KCNJ6: variants seen among roughly 807,000 people sequenced by gnomAD.
The protein encoded by KCNJ6 is potassium inwardly rectifying channel subfamily J member 6.
Under a neutral mutation model 34.2 loss-of-function variants are expected in KCNJ6, and 9 were observed. That is an observed-to-expected ratio of 0.26 (90% confidence interval 0.16 to 0.46). The LOEUF is 0.46. KCNJ6 is among the 20% of genes least tolerant of loss of function. The pLI is 1.00. For synonymous variants in KCNJ6, 196 were observed against 207.1 expected (o/e 0.95, Z 0.46); for missense variants, 236 against 531.3 (o/e 0.44, Z 5.46).
At chr21:37,761,547 GGTATGTGT>G (rs1472767738) in intron 2 of KCNJ6, among the ~76,000 whole-genome samples, 1 of 145,292 alleles carries the variant, frequency 6.9e-6, no homozygotes, top group Non-Finnish European at 1.5e-5. Context: ...TCGTGTGTGT[GGTATGTGT>G]GTATGTGTTG....
At chr21:37,713,539 T>C (rs146231181) in intron 3 of KCNJ6, among the ~76,000 whole-genome samples, 2 of 152,294 alleles carry the variant, frequency 1.3e-5, no homozygotes, top group East Asian at 3.9e-4. Context: ...ATTTTCTCTA[T>C]TTCCTGAACA....
chr21:37,840,993 CCT>C (rs1202125729), intron 1 of KCNJ6, among the ~76,000 whole-genome samples: 1 of 152,158 alleles, frequency 6.6e-6, no homozygotes, highest in Non-Finnish European at 1.5e-5. Flanking sequence ...GTTTTCAAAA[CCT>C]CTTTGACACT....
At position 37,726,921 on chromosome 21, in the gene KCNJ6, A is replaced by T. The variant is rs147129231; in HGVS notation, c.26-11790T>A. On this transcript the variant is annotated intron_variant, in intron 2 of 3. Transcript: ENST00000609713. ...CCCAAACCTCAGAAGGTGACCTTATATGGAAATAGGGTCTTTGCAGATATA... is the reference window on the plus strand; with the variant it reads ...CCCAAACCTCAGAAGGTGACCTTATTTGGAAATAGGGTCTTTGCAGATATA... Among the ~76,000 whole-genome samples the T allele has an allele frequency of 4.8e-4, 73 of 152,316 alleles. 1 individual carries two copies. The highest frequency in any genetic ancestry group is 1.6e-3 in the African/African-American group (67 of 41,556).
chr21:37,781,819 C>T (rs186173976), intron 2 of KCNJ6, among the ~76,000 whole-genome samples: 10 of 152,178 alleles, frequency 6.6e-5, no homozygotes, highest in Admixed American at 3.9e-4. Flanking sequence ...GTTCAAAGCC[C>T]GGTATTGTCA....
At chr21:37,715,867 C>A (rs763855501) in intron 2 of KCNJ6, among the ~76,000 whole-genome samples, 1 of 152,162 alleles carries the variant, frequency 6.6e-6, no homozygotes, top group African/African-American at 2.4e-5. Context: ...GCCTCCAGAA[C>A]GATGAGAAAA....
chr21:37,732,579 G>A (rs565048579), intron 2 of KCNJ6, among the ~76,000 whole-genome samples: 12 of 152,284 alleles, frequency 7.9e-5, no homozygotes, highest in South Asian at 4.1e-4. Flanking sequence ...ACGTTTCCTC[G>A]TCAATTTTCT....
At chr21:37,647,631 A>T (rs1237067414) in intron 3 of KCNJ6, among the ~76,000 whole-genome samples, 1 of 152,136 alleles carries the variant, frequency 6.6e-6, no homozygotes, top group African/African-American at 2.4e-5. Flanking sequence ...AACATTAGGG[A>T]CAGTCTCCAT....
rs1406409438 is a variant in KCNJ6, at chr21:37,624,134, A to C, written c.*1025T>G. 6.6e-6 allele frequency: 1 copy of C among 152,218 alleles called. No homozygotes were observed. Among genetic ancestry groups the C allele is most frequent in the Non-Finnish European group, 1.5e-5 (1 of 68,032 alleles). The allele number at this position is 152,218 out of a possible 1,614,324, so 9.4% of individuals were successfully genotyped here. A position where few individuals can be genotyped will look rare whatever the true frequency, so the allele number is the denominator to read the frequency against. On this transcript the variant is annotated 3_prime_UTR_variant, in exon 4 of 4. Coordinates refer to ENST00000609713, the MANE Select transcript of KCNJ6 (RefSeq NM_002240.5). ...CATACCTTTGGTGACAGGCTAGAGA[A>C]TATTTCCTTCCTGGTATTCCCCCTC... is the stretch of plus-strand genomic sequence containing the variant.
At chr21:37,807,083 G>A (rs940228996) in intron 2 of KCNJ6, among the ~76,000 whole-genome samples, 5 of 152,062 alleles carry the variant, frequency 3.3e-5, no homozygotes, top group African/African-American at 1.2e-4. Context: ...CATTTTCTCA[G>A]GAAATTGCTA....
At position 37,617,027 on chromosome 21, in the gene KCNJ6, TCTTTCTTTCTTTCTTTCTTTCTTTC is replaced by T. The variant is rs2054271475; in HGVS notation, c.*8107_*8131del. On this transcript the variant is annotated 3_prime_UTR_variant, in exon 4 of 4. Transcript: ENST00000609713. ...TTTCTTTTCTCTTTCTTTCTTTCTTTCTTTCTTTCTTTCTTTCTTTCTTTCTTTTCTTTTCTTTTCTTTTCTTTTC... is the reference window on the plus strand; with the variant it reads ...TTTCTTTTCTCTTTCTTTCTTTCTTTTTTTCTTTTCTTTTCTTTTCTTTTC... 1 of 17,634 alleles carries T rather than the reference TCTTTCTTTCTTTCTTTCTTTCTTTC, an allele frequency of 5.7e-5. No individual in the cohort carries two copies. Among genetic ancestry groups the T allele is most frequent in the African/African-American group, 2.2e-4 (1 of 4,474 alleles). 1.1% of individuals were successfully genotyped at this position (17,634 alleles called of 1,614,324 possible).
intron 2 of KCNJ6, among the ~76,000 whole-genome samples, chr21:37,819,828 C>T (rs959931558): frequency 6.7e-6 from 1 of 149,328 alleles, no homozygotes; most frequent in Non-Finnish European, 1.5e-5. Context: ...GAGTTTCACT[C>T]CTTGGAATGC....
intron 3 of KCNJ6, among the ~76,000 whole-genome samples, chr21:37,655,238 AG>A (rs1569438982): frequency 0.025 from 154 of 6,210 alleles, no homozygotes; most frequent in Non-Finnish European, 0.035. Context: ...AGAGAGAGAG[AG>A]AGAGAGAGAG....
chr21:37,629,313 G>A (rs2054324022), intron 3 of KCNJ6, among the ~76,000 whole-genome samples: 1 of 151,922 alleles, frequency 6.6e-6, no homozygotes, highest in Non-Finnish European at 1.5e-5. Flanking sequence ...ATATGTGGTG[G>A]GTCTGTTTGT....
chr21:37,832,426 A>G (rs965076607), intron 2 of KCNJ6, among the ~76,000 whole-genome samples: 6 of 152,096 alleles, frequency 3.9e-5, no homozygotes, highest in African/African-American at 1.4e-4. Flanking sequence ...CTTAACTCCC[A>G]GCCCAGCTAC....
intron 3 of KCNJ6, among the ~76,000 whole-genome samples, chr21:37,703,688 C>G (rs911631149): frequency 6.6e-6 from 1 of 152,194 alleles, no homozygotes; most frequent in Non-Finnish European, 1.5e-5. Flanking sequence ...TGGGCCACCA[C>G]CTTCCTGGGT....
intron 2 of KCNJ6, among the ~76,000 whole-genome samples, chr21:37,761,944 G>A (rs1018266725): frequency 2.0e-5 from 3 of 152,292 alleles, no homozygotes; most frequent in Admixed American, 1.3e-4. Context: ...TAAGGTCCAG[G>A]GAGGAGGGTG....
chr21:37,914,353 C>A (rs530119683), intron 1 of KCNJ6, among the ~76,000 whole-genome samples: 2 of 152,150 alleles, frequency 1.3e-5, no homozygotes, highest in Non-Finnish European at 2.9e-5. Flanking sequence ...TCACCCTCGG[C>A]GCCTGGGCTC....
intron 2 of KCNJ6, among the ~76,000 whole-genome samples, chr21:37,800,199 G>A (rs996912236): frequency 6.6e-6 from 1 of 152,186 alleles, no homozygotes; most frequent in South Asian, 2.1e-4. Flanking sequence ...CTTCTTCAGA[G>A]GTAGCTGGGC....
intron 3 of KCNJ6, among the ~76,000 whole-genome samples, chr21:37,703,550 A>G (rs1294390687): frequency 1.3e-5 from 2 of 152,242 alleles, no homozygotes; most frequent in Non-Finnish European, 2.9e-5. Context: ...AAACATTTAT[A>G]TTAAATTCAT....
Sources: allele counts gnomAD v4.1 joint callset (sites outside exome capture counted in the v4.1 genomes callset), GRCh38; gene constraint gnomAD v4.1.1; transcripts MANE v1.5; gene names NCBI Gene and HGNC (gene_info 2026-07-23, HGNC 2026-07-21).